The following CHCHD3 variants were observed in gnomAD, a reference collection of about 807,000 sequenced individuals.
CHCHD3 encodes coiled-coil-helix-coiled-coil-helix domain containing 3, also known as MICOS complex subunit MIC19.
A neutral mutation model predicts 38.2 loss-of-function variants in CHCHD3; 20 were observed. That is an observed-to-expected ratio of 0.52 (90% confidence interval 0.37 to 0.76). CHCHD3 has a LOEUF of 0.76. Among genes scored for constraint, CHCHD3 ranks in the 30% least tolerant of loss-of-function variants. The probability of loss-of-function intolerance (pLI) is 0.00; values close to 1 mark genes in which losing one functional copy is unlikely to be tolerated. For missense variants in CHCHD3, 245 were observed against 279.2 expected, an observed-to-expected ratio of 0.88 and a Z score of 0.87; for synonymous variants, 82 against 100.0, an observed-to-expected ratio of 0.82 and a Z score of 1.07.
intron 7 of CHCHD3, among the ~76,000 whole-genome samples, chr7:132,786,863 C>G (rs1357261356): frequency 6.6e-6 from 1 of 152,268 alleles, no homozygotes; most frequent in Middle Eastern, 3.4e-3. Context: ...TAACAGGAAC[C>G]AAATAGTATC....
At chr7:133,059,992 A>C (rs1340180001) in intron 2 of CHCHD3, among the ~76,000 whole-genome samples, 1 of 152,254 alleles carries the variant, frequency 6.6e-6, no homozygotes, top group African/African-American at 2.4e-5. Flanking sequence ...ACAGACAAGT[A>C]AACATGTAAT....
chr7:132,881,904 C>T (rs1174991679), intron 5 of CHCHD3, among the ~76,000 whole-genome samples: 3 of 152,018 alleles, frequency 2.0e-5, no homozygotes, highest in Admixed American at 6.6e-5. Flanking sequence ...CATTAGAGAC[C>T]TAAATGTCTC....
chr7:133,004,390 T>A (rs971110325), intron 3 of CHCHD3, among the ~76,000 whole-genome samples: 1 of 152,224 alleles, frequency 6.6e-6, no homozygotes, highest in Admixed American at 6.5e-5. Context: ...CAGAGTGGCT[T>A]CAGAGTTCAC....
At chr7:132,814,878 A>C (rs1435240300) in intron 6 of CHCHD3, among the ~76,000 whole-genome samples, 1 of 152,178 alleles carries the variant, frequency 6.6e-6, no homozygotes, top group African/African-American at 2.4e-5. Flanking sequence ...TAATTTAATC[A>C]ATGTCAACTG....
intron 4 of CHCHD3, among the ~76,000 whole-genome samples, chr7:132,961,350 T>A (rs1453505408): frequency 3.3e-5 from 5 of 152,182 alleles, no homozygotes; most frequent in African/African-American, 1.2e-4. Context: ...AAAAGATGAA[T>A]CTTTGTTTAA....
intron 1 of CHCHD3, among the ~76,000 whole-genome samples, chr7:133,081,402 G>A (rs1163667418): frequency 6.6e-6 from 1 of 152,080 alleles, no homozygotes; most frequent in African/African-American, 2.4e-5. Context: ...GGTGTTATCA[G>A]AGGGAGAGCA....
At chr7:133,078,669 C>T (rs1815075023) in intron 1 of CHCHD3, among the ~76,000 whole-genome samples, 1 of 152,220 alleles carries the variant, frequency 6.6e-6, no homozygotes. Flanking sequence ...GTCACTTCCA[C>T]ACCACTGTCA....
intron 2 of CHCHD3, among the ~76,000 whole-genome samples, chr7:133,065,218 T>C (rs976381739): frequency 6.6e-6 from 1 of 152,190 alleles, no homozygotes; most frequent in African/African-American, 2.4e-5. Flanking sequence ...TAAAGTGGCA[T>C]TACAATCTGC....
chr7:132,976,084 T>C (rs978444809), intron 3 of CHCHD3, among the ~76,000 whole-genome samples: 3 of 152,208 alleles, frequency 2.0e-5, no homozygotes, highest in African/African-American at 7.2e-5. Flanking sequence ...GTCACTGTCA[T>C]TGTGGATGTT....
At chr7:132,889,136 T>C (rs547585452) in intron 4 of CHCHD3, among the ~76,000 whole-genome samples, 1 of 152,174 alleles carries the variant, frequency 6.6e-6, no homozygotes, top group Admixed American at 6.5e-5. Context: ...ACCTATTAAA[T>C]AATTATATTA....
At chr7:132,976,082 C>G (rs1585691720) in intron 3 of CHCHD3, among the ~76,000 whole-genome samples, 1 of 152,174 alleles carries the variant, frequency 6.6e-6, no homozygotes, top group African/African-American at 2.4e-5. Context: ...AGGTCACTGT[C>G]ATTGTGGATG....
rs951779566 is a variant in CHCHD3, at chr7:132,885,699, G to T, written c.416C>A (p.Ala139Glu). The change falls in exon 5 of 8, where the codon GCA (alanine) becomes GAA (glutamate). Residue 139 changes from alanine (A) to glutamate (E), a missense_variant. Coordinates refer to ENST00000262570, the MANE Select transcript of CHCHD3 (RefSeq NM_017812.4). ...EKDRVLKKQD[A>E]FYKEQLARLE... ...TCTAGCCAGCTGTTCTTTGTAGAAT[G>T]CATCCTGCTTCTTTAGCACTCGGTC... The T allele has an allele frequency of 6.2e-7, 1 of 1,608,888 alleles. No homozygotes were observed. Among genetic ancestry groups the T allele is most frequent in the Admixed American group, 1.7e-5 (1 of 59,452 alleles).
intron 6 of CHCHD3, among the ~76,000 whole-genome samples, chr7:132,824,349 C>A: frequency 9.1e-6 from 1 of 109,544 alleles, no homozygotes; most frequent in East Asian, 2.9e-4. Context: ...GACGGAGTCT[C>A]GCTCTGTCGC....
intron 5 of CHCHD3, among the ~76,000 whole-genome samples, chr7:132,845,490 A>G (rs925804046): frequency 1.1e-4 from 17 of 152,340 alleles, no homozygotes; most frequent in African/African-American, 3.8e-4. Flanking sequence ...ATATGAAGAC[A>G]ATAGTGGACC....
At chr7:133,037,285 G>A (rs1315554368) in intron 2 of CHCHD3, among the ~76,000 whole-genome samples, 2 of 152,062 alleles carry the variant, frequency 1.3e-5, no homozygotes, top group Admixed American at 6.6e-5. Context: ...TAGACAATGA[G>A]GGAGAACAAT....
chr7:132,791,007 C>G (rs927628766), intron 7 of CHCHD3, among the ~76,000 whole-genome samples: 3 of 152,190 alleles, frequency 2.0e-5, no homozygotes, highest in East Asian at 1.9e-4. Context: ...TAGCTTTGAC[C>G]TATAGGGAGT....
intron 2 of CHCHD3, among the ~76,000 whole-genome samples, chr7:133,044,282 G>A (rs1813913829): frequency 6.6e-6 from 1 of 152,174 alleles, no homozygotes; most frequent in Non-Finnish European, 1.5e-5. Flanking sequence ...AAATTAAAAT[G>A]TTCTCCATTA....
At chr7:132,817,002 C>A (rs934708850) in intron 6 of CHCHD3, among the ~76,000 whole-genome samples, 1 of 152,096 alleles carries the variant, frequency 6.6e-6, no homozygotes, top group Non-Finnish European at 1.5e-5. Context: ...AATGTGGCTG[C>A]CTGAAAAACA....
intron 4 of CHCHD3, among the ~76,000 whole-genome samples, chr7:132,903,067 C>T (rs1212396753): frequency 6.6e-6 from 1 of 152,190 alleles, no homozygotes; most frequent in Admixed American, 6.5e-5. Flanking sequence ...ACTAGAAAGC[C>T]TCACTGCACA....
Sources: allele counts gnomAD v4.1 joint callset (sites outside exome capture counted in the v4.1 genomes callset), GRCh38; gene constraint gnomAD v4.1.1; transcripts MANE v1.5; gene names NCBI Gene and HGNC (gene_info 2026-07-23, HGNC 2026-07-21).